Variants in MAN1A2 observed in about 807,000 individuals in gnomAD.
MAN1A2 encodes mannosyl-oligosaccharide 1,2-alpha-mannosidase IB.
In MAN1A2, 26 loss-of-function variants were observed where a neutral mutation model predicts 75.7. That is an observed-to-expected ratio of 0.34 (90% CI 0.25 to 0.48). The LOEUF is 0.48. Ranked by LOEUF, MAN1A2 falls within the 20% of genes least tolerant of loss-of-function variation. The probability of loss-of-function intolerance (pLI) is 0.99; values close to 1 mark genes in which losing one functional copy is unlikely to be tolerated. For missense variants in MAN1A2, 562 were observed against 775.5 expected (o/e 0.72, Z 3.27); for synonymous variants, 247 against 264.6 (o/e 0.93, Z 0.65).
chr1:117,402,202 C>T lies in MAN1A2; in HGVS notation c.319C>T (p.Leu107=), dbSNP rs756068640. The change falls in exon 2 of 13, where the codon CTG becomes TTG. Residue 107 remains leucine, a synonymous_variant. Transcript: ENST00000356554. ...EHRHREEEER[L]RNKIRADHEK... ...TTCTCACAGGGAAGAGGAAGAACGT[C>T]TGAGAAATAAAATTCGAGCTGATCA... 51 of 1,609,732 alleles carry T rather than the reference C, an allele frequency of 3.2e-5. No homozygotes were observed. Among genetic ancestry groups the T allele is most frequent in the African/African-American group, 4.0e-5 (3 of 74,468 alleles).
At chr1:117,414,861 A>G (rs1471959771) in intron 4 of MAN1A2, 30 bp downstream of exon 4, 1 of 1,294,808 alleles carries the variant, frequency 7.7e-7, no homozygotes, top group South Asian at 1.2e-5. Context: ...CTAATCTCTT[A>G]GATTAACCAT....
chr1:117,501,600 T>G (rs1456742951), intron 11 of MAN1A2, among the ~76,000 whole-genome samples: 1 of 151,866 alleles, frequency 6.6e-6, no homozygotes, highest in Non-Finnish European at 1.5e-5. Flanking sequence ...CATGTGGTGG[T>G]GAAGACACAT....
rs890284643 is a variant in MAN1A2, at chr1:117,439,579, C to T, written c.856-2652C>T. Among the ~76,000 whole-genome samples, 16 of 152,002 alleles carry T rather than the reference C, an allele frequency of 1.1e-4. 1 individual carries two copies. In the East Asian group the frequency reaches 2.1e-3, roughly 20 times the overall value. Reference sequence around the variant, plus strand: ...CGTGATCTCGGTTCACTGCAACCTCCGCCTCCCGGGTTCAAATGATTCTCC... The same window carrying T: ...CGTGATCTCGGTTCACTGCAACCTCTGCCTCCCGGGTTCAAATGATTCTCC... On this transcript the variant is annotated intron_variant, in intron 5 of 12. Coordinates refer to ENST00000356554, the MANE Select transcript of MAN1A2 (RefSeq NM_006699.5).
chr1:117,475,551 T>G (rs1300137205), intron 8 of MAN1A2, among the ~76,000 whole-genome samples: 5 of 152,004 alleles, frequency 3.3e-5, no homozygotes, highest in Admixed American at 2.6e-4. Flanking sequence ...TGTGTGATGT[T>G]CCCCTCCCTG....
intron 12 of MAN1A2, among the ~76,000 whole-genome samples, chr1:117,503,769 C>A (rs1651270819): frequency 6.6e-6 from 1 of 151,512 alleles, no homozygotes; most frequent in African/African-American, 2.4e-5. Flanking sequence ...ACAAAAATTC[C>A]TGCCTTCTGG....
intron 10 of MAN1A2, among the ~76,000 whole-genome samples, chr1:117,498,523 T>C (rs893216429): frequency 1.3e-5 from 2 of 151,892 alleles, no homozygotes; most frequent in Non-Finnish European, 2.9e-5. Flanking sequence ...AAATTCATAG[T>C]GTACCAGAGT....
chr1:117,504,007 G>T (rs1353343167), intron 12 of MAN1A2, among the ~76,000 whole-genome samples: 2 of 149,908 alleles, frequency 1.3e-5, no homozygotes, highest in African/African-American at 4.9e-5. Context: ...TTTTTATTTT[G>T]CTCCCTCCTT....
chr1:117,482,646 T>A (rs1365903933), intron 8 of MAN1A2, among the ~76,000 whole-genome samples: 1 of 152,144 alleles, frequency 6.6e-6, no homozygotes, highest in African/African-American at 2.4e-5. Flanking sequence ...ATTAGCCGCT[T>A]GTCAGATGGG....
rs1255354380 is a variant in MAN1A2, at chr1:117,445,890, A to ATATATATATATATG, written c.950+3574_950+3575insATATGTATATATAT. ...TGTGTGTGTCTGTGTGTGTGTATAT[A>ATATATATATATATG]TATATATATGTATATATGTAAATTT... On this transcript the variant is annotated intron_variant, in intron 6 of 12. Coordinates refer to ENST00000356554, the MANE Select transcript of MAN1A2 (RefSeq NM_006699.5). 2.9e-4 allele frequency among the ~76,000 whole-genome samples: 41 copies of ATATATATATATATG among 142,616 alleles called. 1 individual carries two copies. Among genetic ancestry groups the ATATATATATATATG allele is most frequent in the Non-Finnish European group, 4.9e-4 (32 of 64,864 alleles). 93.6% of individuals were successfully genotyped at this position (142,616 alleles called of 152,430 possible). A position where few individuals can be genotyped will look rare whatever the true frequency, so the allele number is the denominator to read the frequency against.
intron 1 of MAN1A2, among the ~76,000 whole-genome samples, chr1:117,385,545 A>G (rs1653495184): frequency 6.6e-6 from 1 of 152,076 alleles, no homozygotes; most frequent in South Asian, 2.1e-4. Flanking sequence ...GGATGTTGTG[A>G]TGGATCAAAG....
chr1:117,447,766 G>A (rs2101820289), intron 6 of MAN1A2, among the ~76,000 whole-genome samples: 1 of 151,968 alleles, frequency 6.6e-6, no homozygotes, highest in South Asian at 2.1e-4. Context: ...CAGTCCTTAA[G>A]GTATTTTTGT....
chr1:117,460,645 T>G, intron 7 of MAN1A2, 33 bp downstream of exon 7: 1 of 1,569,282 alleles, frequency 6.4e-7, no homozygotes, highest in Non-Finnish European at 8.6e-7. Flanking sequence ...CTTTGTTTGT[T>G]ATAAAGAGTC....
At chr1:117,438,085 A>G (rs1648903358) in intron 5 of MAN1A2, among the ~76,000 whole-genome samples, 1 of 152,222 alleles carries the variant, frequency 6.6e-6, no homozygotes, top group South Asian at 2.1e-4. Context: ...ATACACATAT[A>G]CAGTCATGTA....
chr1:117,404,125 G>C lies in MAN1A2; in HGVS notation c.559-1424G>C, dbSNP rs192824117. 3.0e-4 allele frequency among the ~76,000 whole-genome samples: 46 copies of C among 152,188 alleles called. 1 individual carries two copies. In the East Asian group the frequency reaches 8.3e-3, roughly 27 times the overall value. ...ATATTCCTGGGTTAAACTCCACTTT[G>C]TCGTGGTATGGTATCTGTCTTAGAT... On this transcript the variant is annotated intron_variant, in intron 2 of 12. Coordinates refer to ENST00000356554, the MANE Select transcript of MAN1A2 (RefSeq NM_006699.5).
intron 12 of MAN1A2, among the ~76,000 whole-genome samples, chr1:117,505,058 G>A (rs1651307699): frequency 6.6e-6 from 1 of 151,346 alleles, no homozygotes; most frequent in Non-Finnish European, 1.5e-5. Context: ...TTGAGACTGT[G>A]AATATTCTTT....
intron 1 of MAN1A2, among the ~76,000 whole-genome samples, chr1:117,401,637 C>T (rs1647433280): frequency 6.6e-6 from 1 of 152,084 alleles, no homozygotes; most frequent in African/African-American, 2.4e-5. Context: ...TATAGACCTA[C>T]TAAATTGGAA....
At chr1:117,511,719 A>G (rs961331126) in intron 12 of MAN1A2, among the ~76,000 whole-genome samples, 1 of 152,034 alleles carries the variant, frequency 6.6e-6, no homozygotes, top group Non-Finnish European at 1.5e-5. Context: ...TGTTTAAGGC[A>G]TTACCTGATC....
intron 6 of MAN1A2, among the ~76,000 whole-genome samples, chr1:117,450,033 A>G (rs1649356185): frequency 2.0e-5 from 3 of 152,230 alleles, no homozygotes; most frequent in African/African-American, 7.2e-5. Context: ...ATGTGGAACA[A>G]CTTTGGAACT....
At chr1:117,488,427 C>T (rs899638689) in intron 8 of MAN1A2, among the ~76,000 whole-genome samples, 2 of 151,996 alleles carry the variant, frequency 1.3e-5, no homozygotes, top group African/African-American at 4.8e-5. Flanking sequence ...AACTCCTGAC[C>T]TCAAGTGATC....
Sources: allele counts gnomAD v4.1 joint callset (sites outside exome capture counted in the v4.1 genomes callset), GRCh38; gene constraint gnomAD v4.1.1; transcripts MANE v1.5; gene names NCBI Gene and HGNC (gene_info 2026-07-23, HGNC 2026-07-21).